Variants in TRABD2A observed in about 807,000 individuals in gnomAD.
TRABD2A encodes metalloprotease TIKI1.
Under a neutral mutation model 45.6 loss-of-function variants are expected in TRABD2A, and 43 were observed. The ratio of observed to expected loss-of-function variants is 0.94; its 90% CI spans 0.74 to 1.22. TRABD2A has a LOEUF of 1.22. TRABD2A is among the 50% of genes most tolerant of loss of function. The pLI is 0.00. For missense variants in TRABD2A, 642 were observed against 652.4 expected (o/e 0.98, Z 0.17); for synonymous variants, 269 against 265.0 (o/e 1.02, Z -0.15).
intron 4 of TRABD2A, chr2:84,838,277 A>G (rs1482340967): frequency 2.8e-6 from 2 of 717,220 alleles, no homozygotes; most frequent in Admixed American, 2.0e-5. Flanking sequence ...ACAAGTTAAA[A>G]TGCCACAAAG....
intron 3 of TRABD2A, among the ~76,000 whole-genome samples, chr2:84,839,641 A>G (rs1364471978): frequency 6.6e-6 from 1 of 152,116 alleles, no homozygotes; most frequent in Non-Finnish European, 1.5e-5. Context: ...TGCACAGTAC[A>G]TCCATAGTTT....
rs1219852706 is a variant in TRABD2A, at chr2:84,837,008, T to TC, written c.991+2140_991+2141insG. On this transcript the variant is annotated intron_variant, in intron 4 of 6. Transcript: ENST00000409520. ...AGGGTTTTTTTTTTTTTTTTTTTTT[T>TC]TGGAGATGGAGTTTCACTCTTGTGG... 17 of 147,282 alleles carry TC rather than the reference T, an allele frequency of 1.2e-4. No individual in the cohort carries two copies. The East Asian group carries it at 2.1e-3, about 19-fold the overall frequency. The allele number at this position is 147,282 out of a possible 1,614,324, so 9.1% of individuals were successfully genotyped here. A position where few individuals can be genotyped will look rare whatever the true frequency, so the allele number is the denominator to read the frequency against.
chr2:84,863,597 C>CTTTCTT (rs1682574481), intron 2 of TRABD2A, among the ~76,000 whole-genome samples: 1 of 78,100 alleles, frequency 1.3e-5, no homozygotes, highest in African/African-American at 4.9e-5. Flanking sequence ...TTCAAATTTT[C>CTTTCTT]TTTTTTTTTT....
intron 3 of TRABD2A, among the ~76,000 whole-genome samples, chr2:84,839,999 C>G (rs1442088545): frequency 1.3e-5 from 2 of 152,160 alleles, no homozygotes; most frequent in East Asian, 1.9e-4. Flanking sequence ...CTCCCCACCC[C>G]CTCAGCTGTC....
chr2:84,833,112 G>T (rs1031733234), intron 4 of TRABD2A: 1 of 152,086 alleles, frequency 6.6e-6, no homozygotes, highest in East Asian at 1.9e-4. Context: ...TGCATCAAAG[G>T]GGGTGTTCAT....
intron 5 of TRABD2A, among the ~76,000 whole-genome samples, chr2:84,826,998 G>A (rs1004030136): frequency 6.6e-6 from 1 of 152,144 alleles, no homozygotes; most frequent in African/African-American, 2.4e-5. Context: ...GGGGTTTAAG[G>A]GTCCCTAGGT....
intron 2 of TRABD2A, among the ~76,000 whole-genome samples, chr2:84,848,544 T>C (rs969605035): frequency 1.4e-5 from 2 of 147,860 alleles, no homozygotes; most frequent in Admixed American, 1.4e-4. Context: ...TTATATATTA[T>C]ATATTTTATA....
intron 2 of TRABD2A, among the ~76,000 whole-genome samples, chr2:84,861,439 T>A (rs1213846759): frequency 6.6e-6 from 1 of 152,134 alleles, no homozygotes; most frequent in Non-Finnish European, 1.5e-5. Context: ...AGATCTCGCA[T>A]GCACAGTTCA....
chr2:84,842,713 T>C (rs11693271), intron 2 of TRABD2A, among the ~76,000 whole-genome samples: 44,870 of 146,782 alleles, frequency 0.31, 7,179 homozygotes, highest in African/African-American at 0.41. Flanking sequence ...TGGATGACAG[T>C]GAGACTCTGT....
chr2:84,838,790 G>A (rs934104439), intron 4 of TRABD2A, among the ~76,000 whole-genome samples: 5 of 152,196 alleles, frequency 3.3e-5, no homozygotes, highest in Admixed American at 3.3e-4. Flanking sequence ...CTCATTGTCA[G>A]GTAGAAGAGT....
At chr2:84,880,845 G>A in intron 1 of TRABD2A, 87 bp downstream of exon 1, 1 of 1,532,814 alleles carries the variant, frequency 6.5e-7, no homozygotes, top group Non-Finnish European at 8.8e-7. Flanking sequence ...CTCGGGGTCC[G>A]AAAGCGCTGC....
chr2:84,871,691 TG>T (rs1426545298), intron 1 of TRABD2A, among the ~76,000 whole-genome samples: 3 of 152,162 alleles, frequency 2.0e-5, no homozygotes, highest in African/African-American at 7.2e-5. Context: ...TTCACCATAT[TG>T]GCCAGGCTGG....
intron 5 of TRABD2A, among the ~76,000 whole-genome samples, chr2:84,828,121 A>T (rs1345681048): frequency 6.6e-6 from 1 of 152,178 alleles, no homozygotes. Context: ...GCCCAACAGG[A>T]ACCCCATCTC....
chr2:84,828,193 G>C (rs1190652948), intron 5 of TRABD2A, among the ~76,000 whole-genome samples: 2 of 152,126 alleles, frequency 1.3e-5, no homozygotes, highest in Non-Finnish European at 2.9e-5. Flanking sequence ...GTGTTTTCCA[G>C]CCTGCTGACA....
At position 84,821,891 on chromosome 2, in the gene TRABD2A, G is replaced by T; in HGVS notation, c.*26C>A. On this transcript the variant is annotated 3_prime_UTR_variant, in exon 7 of 7. Transcript: ENST00000409520. Reference sequence around the variant, plus strand: ...GCCATTCTTCAAGTCCGAGGGGTCAGGTTCTTAGCCTGGTGCTTCCAGTCG... The same window carrying T: ...GCCATTCTTCAAGTCCGAGGGGTCATGTTCTTAGCCTGGTGCTTCCAGTCG... 6.5e-7 allele frequency: 1 copy of T among 1,545,222 alleles called. No individual in the cohort carries two copies. Among genetic ancestry groups the T allele is most frequent in the Non-Finnish European group, 8.7e-7 (1 of 1,144,164 alleles).
rs540291203 is a variant in TRABD2A, at chr2:84,868,263, A to G, written c.669+1962T>C. ...TTGGAATACTATGCAGCCATAAAAA[A>G]GGATGAGTTCATGTCCTTTGTAGGG... is the stretch of plus-strand genomic sequence containing the variant. On this transcript the variant is annotated intron_variant, in intron 2 of 6. Coordinates refer to ENST00000409520, the MANE Select transcript of TRABD2A (RefSeq NM_001277053.2). 2.6e-5 allele frequency among the ~76,000 whole-genome samples: 4 copies of G among 152,322 alleles called. No homozygotes were observed. The South Asian group carries it at 8.3e-4, about 32-fold the overall frequency.
At chr2:84,844,756 G>T (rs1451361874) in intron 2 of TRABD2A, among the ~76,000 whole-genome samples, 1 of 152,206 alleles carries the variant, frequency 6.6e-6, no homozygotes, top group Non-Finnish European at 1.5e-5. Flanking sequence ...TATCAGGTAT[G>T]CCTGGCCCCA....
At chr2:84,862,607 C>T (rs768584649) in intron 2 of TRABD2A, among the ~76,000 whole-genome samples, 25 of 152,072 alleles carry the variant, frequency 1.6e-4, no homozygotes, top group Non-Finnish European at 3.2e-4. Context: ...ACAAAAATAC[C>T]TATTCTTGGT....
chr2:84,864,009 AT>A (rs532572108), intron 2 of TRABD2A, among the ~76,000 whole-genome samples: 27,458 of 148,376 alleles, frequency 0.19, 3,115 homozygotes, highest in African/African-American at 0.33. Flanking sequence ...ATCATAGTCA[AT>A]TTTTTTTTTT....
Sources: gnomAD v4.1 joint callset for allele counts (sites outside exome capture counted in the v4.1 genomes callset) on GRCh38, gnomAD v4.1.1 for gene constraint, MANE v1.5 for transcripts, NCBI Gene and HGNC (gene_info 2026-07-23, HGNC 2026-07-21) for gene names.